AEBP2: variants seen among roughly 807,000 people sequenced by gnomAD.
AEBP2 encodes zinc finger protein AEBP2.
Under a neutral mutation model 50.8 loss-of-function variants are expected in AEBP2, and 10 were observed. The ratio of observed to expected loss-of-function variants is 0.20; its 90% CI spans 0.12 to 0.33. The LOEUF is 0.33. Ranked by LOEUF, AEBP2 falls within the 10% of genes least tolerant of loss-of-function variation. The probability of loss-of-function intolerance (pLI) is 1.00; values close to 1 mark genes in which losing one functional copy is unlikely to be tolerated. For synonymous variants in AEBP2, 296 were observed against 261.3 expected, an observed-to-expected ratio of 1.13 and a Z score of -1.28; for missense variants, 570 against 688.0, an observed-to-expected ratio of 0.83 and a Z score of 1.92.
At chr12:19,483,428 T>G (rs1021264501) in intron 3 of AEBP2, among the ~76,000 whole-genome samples, 4 of 151,706 alleles carry the variant, frequency 2.6e-5, no homozygotes, top group Admixed American at 2.6e-4. Context: ...GAACTCACAG[T>G]TTTTTACCTG....
chr12:19,440,410 TG>T, intron 1 of AEBP2, 40 bp downstream of exon 1: 7 of 1,458,458 alleles, frequency 4.8e-6, no homozygotes, highest in Non-Finnish European at 5.4e-6. Context: ...TTCCTCCTCT[TG>T]AACTCCCGGG....
intron 3 of AEBP2, among the ~76,000 whole-genome samples, chr12:19,478,465 T>A (rs185911770): frequency 1.3e-5 from 2 of 152,104 alleles, no homozygotes; most frequent in East Asian, 3.9e-4. Context: ...CCCAGCTAAG[T>A]TTTGTATTTT....
intron 1 of AEBP2, among the ~76,000 whole-genome samples, chr12:19,406,263 C>A (rs904244742): frequency 6.6e-6 from 1 of 152,144 alleles, no homozygotes; most frequent in African/African-American, 2.4e-5. Context: ...CCACACCCAG[C>A]CTACATTGAT....
At chr12:19,456,569 A>G (rs10734689) in intron 1 of AEBP2, 944,182 of 1,534,154 alleles carry the variant, frequency 0.62, 297,885 homozygotes, top group Non-Finnish European at 0.66. Context: ...GGGCATAGCC[A>G]GCACTTATTT....
chr12:19,442,314 A>G (rs906900089), intron 1 of AEBP2, among the ~76,000 whole-genome samples: 2 of 152,162 alleles, frequency 1.3e-5, no homozygotes, highest in African/African-American at 4.8e-5. Flanking sequence ...AGGCTGAGGC[A>G]GGAGAATCGC....
At chr12:19,500,966 T>A (rs189000690) in intron 5 of AEBP2, among the ~76,000 whole-genome samples, 16 of 152,332 alleles carry the variant, frequency 1.1e-4, no homozygotes, top group African/African-American at 3.8e-4. Context: ...GTAATTAAGT[T>A]AATAAATGTA....
chr12:19,444,933 C>CA, intron 1 of AEBP2, among the ~76,000 whole-genome samples: 1 of 152,138 alleles, frequency 6.6e-6, no homozygotes, highest in Non-Finnish European at 1.5e-5. Flanking sequence ...CTTGCTCTGT[C>CA]ACGCAGGCTG....
At position 19,501,765 on chromosome 12, in the gene AEBP2, C is replaced by T. The variant is rs551949748; in HGVS notation, c.1299+1544C>T. 4.5e-4 allele frequency among the ~76,000 whole-genome samples: 62 copies of T among 136,760 alleles called. 1 individual carries two copies. The highest frequency in any genetic ancestry group is 1.9e-3 in the Admixed American group (26 of 13,570). The allele number at this position is 136,760 out of a possible 152,430, so 89.7% of individuals were successfully genotyped here. A position where few individuals can be genotyped will look rare whatever the true frequency, so the allele number is the denominator to read the frequency against. ...TCAATATGTTGTTTGGTTTGAACCTCTATTTCCGTCGTCTCCTATAAAAAT... is the reference window on the plus strand; with the variant it reads ...TCAATATGTTGTTTGGTTTGAACCTTTATTTCCGTCGTCTCCTATAAAAAT... On this transcript the variant is annotated intron_variant, in intron 5 of 7. Transcript: ENST00000266508.
At chr12:19,420,274 CCACCT>C in intron 1 of AEBP2, among the ~76,000 whole-genome samples, 1 of 151,328 alleles carries the variant, frequency 6.6e-6, no homozygotes, top group Non-Finnish European at 1.5e-5. Context: ...GGTGATCCAC[CCACCT>C]TGGCCTCCCA....
intron 1 of AEBP2, chr12:19,456,999 C>T (rs1948280950): frequency 3.2e-6 from 5 of 1,583,380 alleles, no homozygotes; most frequent in Non-Finnish European, 3.5e-6. Context: ...ATTTTCGTCC[C>T]TTGAACCAAG....
At chr12:19,483,408 T>TA (rs1402000077) in intron 3 of AEBP2, among the ~76,000 whole-genome samples, 1 of 152,180 alleles carries the variant, frequency 6.6e-6, no homozygotes, top group Non-Finnish European at 1.5e-5. Context: ...TTCTCTCTCT[T>TA]ACACTTTGGG....
chr12:19,407,531 T>C (rs1167487515), intron 1 of AEBP2, among the ~76,000 whole-genome samples: 1 of 152,106 alleles, frequency 6.6e-6, no homozygotes, highest in East Asian at 1.9e-4. Context: ...CTTGAACTCC[T>C]GACCTCATGA....
intron 3 of AEBP2, among the ~76,000 whole-genome samples, chr12:19,473,620 G>A (rs2153372401): frequency 6.6e-6 from 1 of 152,212 alleles, no homozygotes; most frequent in South Asian, 2.1e-4. Flanking sequence ...TGGCCAGGAT[G>A]GTCTTGAACT....
chr12:19,477,637 C>A (rs185424858), intron 3 of AEBP2, among the ~76,000 whole-genome samples: 3 of 152,290 alleles, frequency 2.0e-5, no homozygotes, highest in East Asian at 1.9e-4. Context: ...ATGAAACCCA[C>A]TTGATCATGG....
chr12:19,465,948 C>T (rs927210358), intron 2 of AEBP2, among the ~76,000 whole-genome samples: 3 of 151,522 alleles, frequency 2.0e-5, no homozygotes, highest in African/African-American at 7.3e-5. Context: ...TGCACCACCA[C>T]GCCCAGCCAA....
chr12:19,435,394 T>G (rs1346629522), upstream of AEBP2, among the ~76,000 whole-genome samples: 1 of 151,972 alleles, frequency 6.6e-6, no homozygotes, highest in African/African-American at 2.4e-5. Flanking sequence ...GATTCTCCTG[T>G]GCCTGGCTAA....
upstream of AEBP2, among the ~76,000 whole-genome samples, chr12:19,434,881 C>T (rs1444689000): frequency 2.0e-5 from 3 of 152,132 alleles, no homozygotes; most frequent in East Asian, 1.9e-4. Flanking sequence ...ATGCCAATTC[C>T]GAGACAGTTC....
chr12:19,409,888 A>G (rs756780077), intron 1 of AEBP2, among the ~76,000 whole-genome samples: 2 of 152,216 alleles, frequency 1.3e-5, no homozygotes, highest in African/African-American at 4.8e-5. Context: ...TCTTCTGAGC[A>G]ATAATTACAT....
intron 1 of AEBP2, among the ~76,000 whole-genome samples, chr12:19,450,344 C>T (rs917674611): frequency 2.0e-5 from 3 of 151,456 alleles, no homozygotes; most frequent in African/African-American, 7.3e-5. Flanking sequence ...TTTCTATGAC[C>T]TTGAATTTTT....
Sources: allele counts gnomAD v4.1 joint callset (sites outside exome capture counted in the v4.1 genomes callset), GRCh38; gene constraint gnomAD v4.1.1; transcripts MANE v1.5; gene names NCBI Gene and HGNC (gene_info 2026-07-23, HGNC 2026-07-21).